MGAT4C: variants seen among roughly 807,000 people sequenced by gnomAD.
MGAT4C encodes the protein MGAT4 family member C.
A neutral mutation model predicts 40.1 loss-of-function variants in MGAT4C; 19 were observed. That is an observed-to-expected ratio of 0.47 (90% CI 0.33 to 0.70). The LOEUF (loss-of-function observed/expected upper bound fraction) is 0.70, where lower values mean the gene tolerates loss of function less well. MGAT4C is among the 30% of genes least tolerant of loss of function. MGAT4C has a pLI of 0.02. For synonymous variants in MGAT4C, 181 were observed against 187.1 expected, an observed-to-expected ratio of 0.97 and a Z score of 0.27; for missense variants, 491 against 563.2, an observed-to-expected ratio of 0.87 and a Z score of 1.30.
At chr12:86,430,544 C>T (rs1957015333) in intron 3 of MGAT4C, among the ~76,000 whole-genome samples, 1 of 152,150 alleles carries the variant, frequency 6.6e-6, no homozygotes, top group South Asian at 2.1e-4. Context: ...TCTTTGGGCT[C>T]TGATGGCCTG....
chr12:86,763,825 G>T (rs1174228359), intron 1 of MGAT4C, among the ~76,000 whole-genome samples: 1 of 152,050 alleles, frequency 6.6e-6, no homozygotes, highest in Non-Finnish European at 1.5e-5. Context: ...TTTCACCTAG[G>T]ATTTAGCTAA....
At chr12:86,491,120 C>A (rs1958124089) in intron 2 of MGAT4C, among the ~76,000 whole-genome samples, 3 of 152,034 alleles carry the variant, frequency 2.0e-5, no homozygotes, top group Admixed American at 6.6e-5. Flanking sequence ...CTGAATAGAC[C>A]AATAACAGGC....
At chr12:86,194,005 G>A (rs1889812607) in intron 1 of MGAT4C, among the ~76,000 whole-genome samples, 1 of 151,324 alleles carries the variant, frequency 6.6e-6, no homozygotes, top group African/African-American at 2.4e-5. Context: ...TTTATTTGGG[G>A]GTATTTAGAA....
At chr12:86,540,805 T>A (rs1959163243) in intron 2 of MGAT4C, among the ~76,000 whole-genome samples, 1 of 152,218 alleles carries the variant, frequency 6.6e-6, no homozygotes, top group African/African-American at 2.4e-5. Flanking sequence ...TGGGAATTCA[T>A]ATTTTTAAAT....
chr12:86,063,513 C>T (rs996265889), intron 1 of MGAT4C, among the ~76,000 whole-genome samples: 4 of 152,140 alleles, frequency 2.6e-5, no homozygotes, highest in African/African-American at 9.7e-5. Flanking sequence ...GGATCAAATT[C>T]ACACATAACA....
chr12:86,286,608 G>T (rs7135733), intron 4 of MGAT4C, among the ~76,000 whole-genome samples: 98,855 of 151,438 alleles, frequency 0.65, 33,015 homozygotes, highest in South Asian at 0.78. Context: ...TATTTTAGGT[G>T]CAGGGGAACA....
chr12:86,615,387 T>C (rs1045082864), intron 2 of MGAT4C, among the ~76,000 whole-genome samples: 2 of 152,076 alleles, frequency 1.3e-5, no homozygotes, highest in African/African-American at 4.8e-5. Context: ...TGATTTATTG[T>C]TGTGTAATAA....
intron 1 of MGAT4C, among the ~76,000 whole-genome samples, chr12:86,244,058 T>C (rs1951912449): frequency 6.6e-6 from 1 of 152,110 alleles, no homozygotes; most frequent in African/African-American, 2.4e-5. Flanking sequence ...AAAAAGTGAA[T>C]TAAGATGAAA....
rs113034656 is a variant in MGAT4C at position 86,166,442 on chromosome 12, C to T, written c.-57+89797G>A. Among the ~76,000 whole-genome samples, 497 of 152,264 alleles carry T rather than the reference C, an allele frequency of 3.3e-3. 2 individuals are homozygous for T. The highest frequency in any genetic ancestry group is 0.012 in the African/African-American group (484 of 41,568). On this transcript the variant is annotated intron_variant, in intron 1 of 4. Transcript: ENST00000611864. ...ATCTCAGCAGCTTGGGAGGCCAAGG[C>T]GGGCAGATTGCTTGATGCCAGGAAT...
intron 1 of MGAT4C, among the ~76,000 whole-genome samples, chr12:86,184,363 G>A (rs1277181182): frequency 6.7e-6 from 1 of 149,686 alleles, no homozygotes; most frequent in African/African-American, 2.5e-5. Context: ...GTGACTAAGT[G>A]AGACTCCGTT....
chr12:86,785,705 G>A (rs1039851393), intron 1 of MGAT4C, among the ~76,000 whole-genome samples: 4 of 151,290 alleles, frequency 2.6e-5, no homozygotes, highest in African/African-American at 9.7e-5. Flanking sequence ...GTTAAAGGAA[G>A]AAGAATATAA....
At chr12:86,122,258 A>G (rs958036360) in intron 1 of MGAT4C, among the ~76,000 whole-genome samples, 1 of 152,174 alleles carries the variant, frequency 6.6e-6, no homozygotes, top group Non-Finnish European at 1.5e-5. Context: ...TTTTATTAGT[A>G]AAAATACATA....
intron 1 of MGAT4C, among the ~76,000 whole-genome samples, chr12:86,114,316 G>A (rs369635816): frequency 5.9e-5 from 9 of 151,826 alleles, no homozygotes; most frequent in East Asian, 3.9e-4. Flanking sequence ...GGTAGTGTAC[G>A]GGTATGAATT....
At chr12:86,072,443 A>G (rs558236373) in intron 1 of MGAT4C, among the ~76,000 whole-genome samples, 30 of 152,148 alleles carry the variant, frequency 2.0e-4, no homozygotes, top group Non-Finnish European at 3.4e-4. Context: ...ATGAAAAAAT[A>G]AAAAGCCAAG....
chr12:86,164,041 T>A (rs1348869057), intron 1 of MGAT4C, among the ~76,000 whole-genome samples: 1 of 152,112 alleles, frequency 6.6e-6, no homozygotes, highest in African/African-American at 2.4e-5. Context: ...ATAGTTAGAA[T>A]TAAATAAGCA....
intron 3 of MGAT4C, among the ~76,000 whole-genome samples, chr12:86,416,946 G>T (rs961484062): frequency 5.9e-5 from 9 of 151,958 alleles, no homozygotes; most frequent in African/African-American, 2.2e-4. Context: ...TTTCCTACAG[G>T]TTTCAAAAGA....
intron 1 of MGAT4C, among the ~76,000 whole-genome samples, chr12:86,233,415 C>G (rs1951407379): frequency 6.6e-6 from 1 of 152,188 alleles, no homozygotes; most frequent in Non-Finnish European, 1.5e-5. Flanking sequence ...CATTATTCTT[C>G]AGATCTTTAT....
At chr12:86,437,350 G>A (rs1033302322) in intron 2 of MGAT4C, among the ~76,000 whole-genome samples, 3 of 151,580 alleles carry the variant, frequency 2.0e-5, no homozygotes, top group African/African-American at 7.3e-5. Context: ...TAGATAATGA[G>A]GTTTGGAACA....
chr12:86,796,002 C>G (rs1952109367), intron 1 of MGAT4C, among the ~76,000 whole-genome samples: 1 of 151,986 alleles, frequency 6.6e-6, no homozygotes, highest in Admixed American at 6.6e-5. Flanking sequence ...CATATTTTCA[C>G]ATGAACTTCA....
Sources: gnomAD v4.1 joint callset for allele counts (sites outside exome capture counted in the v4.1 genomes callset) on GRCh38, gnomAD v4.1.1 for gene constraint, MANE v1.5 for transcripts, NCBI Gene and HGNC (gene_info 2026-07-23, HGNC 2026-07-21) for gene names.